TMEM94: variants seen among roughly 807,000 people sequenced by gnomAD.
TMEM94 encodes the protein ER Mg2+ ATPase.
A neutral mutation model predicts 158.6 loss-of-function variants in TMEM94; 81 were observed. The observed-to-expected ratio is 0.51, with a 90% CI of 0.43 to 0.61. The LOEUF is 0.61. Among genes scored for constraint, TMEM94 ranks in the 20% least tolerant of loss-of-function variants. The pLI is 0.00. For synonymous variants in TMEM94, 751 were observed against 730.7 expected (o/e 1.03, Z -0.45); for missense variants, 1,435 against 1,762.0 (o/e 0.81, Z 3.32).
chr17:75,487,780 A>T lies in TMEM94; in HGVS notation c.410-152A>T. On this transcript the variant is annotated intron_variant, in intron 5 of 31. Coordinates refer to ENST00000314256, the MANE Select transcript of TMEM94 (RefSeq NM_014738.6). This position sits in a 1 kb window ranked among gnomAD's most constrained non-coding sequence, Gnocchi z 4.6. Reference sequence around the variant, plus strand: ...GGCTTTATAAGGGAGGCATCCTTGAAAGCAGGGAAGTGTTGGAACGAGTGG... The same window carrying T: ...GGCTTTATAAGGGAGGCATCCTTGATAGCAGGGAAGTGTTGGAACGAGTGG... 1.6e-6 allele frequency: 1 copy of T among 641,538 alleles called. No homozygotes were observed. Among genetic ancestry groups the T allele is most frequent in the Non-Finnish European group, 2.7e-6 (1 of 367,144 alleles). 39.7% of individuals were successfully genotyped at this position (641,538 alleles called of 1,614,324 possible).
At chr17:75,477,158 T>C (rs938218753) in intron 2 of TMEM94, among the ~76,000 whole-genome samples, 2 of 151,962 alleles carry the variant, frequency 1.3e-5, no homozygotes, top group Non-Finnish European at 2.9e-5. Flanking sequence ...GTGGGGAGGA[T>C]TTTTTCCTAG....
At chr17:75,478,498 G>A (rs1047545540) in intron 2 of TMEM94, among the ~76,000 whole-genome samples, 1 of 152,104 alleles carries the variant, frequency 6.6e-6, no homozygotes, top group Non-Finnish European at 1.5e-5. Context: ...GCCTATCCGG[G>A]TGCTCAGCTT....
intron 1 of TMEM94, among the ~76,000 whole-genome samples, chr17:75,467,323 A>G (rs1004807024): frequency 1.3e-5 from 2 of 151,584 alleles, no homozygotes; most frequent in African/African-American, 2.4e-5. Flanking sequence ...TTATTTTCTG[A>G]TATTTGATTA....
chr17:75,496,989 C>T (rs2052758535), intron 25 of TMEM94, 124 bp from the exon 26 acceptor site: 1 of 1,037,914 alleles, frequency 9.6e-7, no homozygotes, highest in African/African-American at 1.6e-5. Context: ...TTCCCTCCGG[C>T]CCCTGTTCCC....
chr17:75,490,647 G>A (rs1163699624), intron 10 of TMEM94, 55 bp from the exon 11 acceptor site: 1 of 1,508,874 alleles, frequency 6.6e-7, no homozygotes, highest in East Asian at 2.3e-5. Flanking sequence ...GCTTGGAGAG[G>A]CCTGTGTGAA....
chr17:75,461,093 C>CTTTTTTTTT (rs59878082), intron 1 of TMEM94, among the ~76,000 whole-genome samples: 2 of 69,636 alleles, frequency 2.9e-5, no homozygotes, highest in African/African-American at 5.5e-5. Flanking sequence ...TTGCGATTGG[C>CTTTTTTTTT]TTTTTTTTTT....
rs758760626 is a variant in TMEM94 at position 75,491,453 on chromosome 17, G to C, written c.1384G>C (p.Glu462Gln). The change falls in exon 13 of 32, where the codon GAG (glutamate) becomes CAG (glutamine). Residue 462 changes from glutamate (E) to glutamine (Q), a missense_variant and splice_region_variant. Glu to Gln is a conservative substitution (Grantham distance 29). Around this residue, in one of 3 missense-constraint regions of TMEM94, gnomAD observed 1,051 missense variants for 1,254.4 expected, o/e 0.84. Transcript: ENST00000314256. This position sits in a 1 kb window ranked among gnomAD's most constrained non-coding sequence, Gnocchi z 5.1. ...ATCCACCCGCTCCTTCTGCCATCCC[G>C]AGGTAGAGGAGGAGGTACGGCCGGC... ...GLSTRSFCHP[E>Q]PHERDALLAG... The C allele has an allele frequency of 6.2e-6, 10 of 1,614,076 alleles. No homozygotes were observed. The highest frequency in any genetic ancestry group is 8.5e-6 in the Non-Finnish European group (10 of 1,180,032).
At position 75,498,724 on chromosome 17, in the gene TMEM94, T is replaced by A. The variant is rs575590854; in HGVS notation, c.3827+2T>A. 2 of 1,553,648 alleles carry A rather than the reference T, an allele frequency of 1.3e-6. No individual in the cohort carries two copies. Among genetic ancestry groups the A allele is most frequent in the Non-Finnish European group, 1.7e-6 (2 of 1,148,230 alleles). On this transcript the variant is annotated splice_donor_variant, in intron 30 of 31. Transcript: ENST00000314256. LOFTEE classifies it high-confidence loss of function. This position sits in a 1 kb window ranked among gnomAD's most constrained non-coding sequence, Gnocchi z 6.7. ...GTGGGCCGTGACAGTGCCTGTGGTG[T>A]GAGTATTGCTAGGATGGAGGGCGGA...
At chr17:75,462,963 A>G in intron 1 of TMEM94, among the ~76,000 whole-genome samples, 1 of 136,020 alleles carries the variant, frequency 7.4e-6, no homozygotes, top group African/African-American at 2.9e-5. Context: ...ACTGCACTCC[A>G]GCCTGGGCAA....
intron 1 of TMEM94, among the ~76,000 whole-genome samples, chr17:75,458,676 C>T (rs2049967178): frequency 7.1e-6 from 1 of 139,962 alleles, no homozygotes; most frequent in Middle Eastern, 3.7e-3. Context: ...GCCTGGGCAA[C>T]AGAGCAAGAC....
chr17:75,457,940 G>A (rs868414546), intron 1 of TMEM94, among the ~76,000 whole-genome samples: 11 of 152,052 alleles, frequency 7.2e-5, no homozygotes, highest in African/African-American at 2.2e-4. Context: ...AAAGCGATGG[G>A]CATTAAAAGT....
chr17:75,496,357 C>G lies in TMEM94; in HGVS notation c.3129C>G (p.Ala1043=). The change falls in exon 24 of 32, where the codon GCC becomes GCG. Residue 1043 remains alanine (A), a synonymous_variant. Transcript: ENST00000314256. ...TFGYATSISM[A]QASDGLSPLQ... is the part of the protein sequence containing the mutation. ...GCTACGCCACCAGCATCAGCATGGC[C>G]CAGGCCTCGGATGGCCTTTCTCCCC... 6.2e-7 allele frequency: 1 copy of G among 1,614,106 alleles called. No individual in the cohort carries two copies. The highest frequency in any genetic ancestry group is 2.2e-5 in the East Asian group (1 of 44,884).
Position 75,491,975 on chromosome 17 carries a change from C to A in TMEM94, c.1596+75C>A. 1 of 1,420,778 alleles carries A rather than the reference C, an allele frequency of 7.0e-7. No homozygotes were observed. 88.0% of individuals were successfully genotyped at this position (1,420,778 alleles called of 1,614,324 possible). On this transcript the variant is annotated intron_variant, in intron 14 of 31. Coordinates refer to ENST00000314256, the MANE Select transcript of TMEM94 (RefSeq NM_014738.6). This position sits in a 1 kb window ranked among gnomAD's most constrained non-coding sequence, Gnocchi z 5.1. ...TCCTGGCCTCCCTGGCCAGCCTGGC[C>A]TCACAAGGTCTGAAAGAGCAGGCGT...
In TMEM94 at chr17:75,499,611, C is replaced by G. The variant is rs13357; in HGVS notation, c.*277C>G. On this transcript the variant is annotated 3_prime_UTR_variant, in exon 32 of 32. Coordinates refer to ENST00000314256, the MANE Select transcript of TMEM94 (RefSeq NM_014738.6). ...TGGCCTCAGGCGCTCCCTAGAGGGG[C>G]CCTAAACCCCCTCACCTGTGAGCTA... 310,824 of 479,154 alleles carry G rather than the reference C, an allele frequency of 0.65. 108,482 individuals carry two copies. The highest frequency in any genetic ancestry group is 0.75 in the South Asian group (28,018 of 37,272). 29.7% of individuals were successfully genotyped at this position (479,154 alleles called of 1,614,324 possible). A position where few individuals can be genotyped will look rare whatever the true frequency, so the allele number is the denominator to read the frequency against.
At position 75,496,716 on chromosome 17, in the gene TMEM94, C is replaced by T. The variant is rs2052727605; in HGVS notation, c.3244-14C>T. 1.9e-6 allele frequency: 3 copies of T among 1,613,492 alleles called. No homozygotes were observed. The highest frequency in any genetic ancestry group is 2.5e-6 in the Non-Finnish European group (3 of 1,179,674). Reference sequence around the variant, plus strand: ...GGTAGACCCAGGCCATAATCTGTCCCTCTTGGTCCCTAGGCTCGGCATGCC... The same window carrying T: ...GGTAGACCCAGGCCATAATCTGTCCTTCTTGGTCCCTAGGCTCGGCATGCC... On this transcript the variant is annotated splice_polypyrimidine_tract_variant and intron_variant, in intron 24 of 31. Coordinates refer to ENST00000314256, the MANE Select transcript of TMEM94 (RefSeq NM_014738.6).
At chr17:75,483,623 C>G (rs917986511) in intron 2 of TMEM94, among the ~76,000 whole-genome samples, 5 of 152,018 alleles carry the variant, frequency 3.3e-5, no homozygotes, top group Non-Finnish European at 7.4e-5. Context: ...CCATGCCCAG[C>G]TAATTTTTGT....
intron 1 of TMEM94, among the ~76,000 whole-genome samples, chr17:75,465,679 A>ATATATTTTTTTTTTTT (rs1247855961): frequency 2.4e-5 from 3 of 124,848 alleles, no homozygotes; most frequent in African/African-American, 1.1e-4. Context: ...ATATATATAT[A>ATATATTTTTTTTTTTT]TTTTTTTTTA....
intron 2 of TMEM94, among the ~76,000 whole-genome samples, chr17:75,478,941 G>A (rs957054623): frequency 4.6e-5 from 7 of 152,228 alleles, no homozygotes; most frequent in African/African-American, 7.2e-5. Context: ...AAGAAAAGGC[G>A]ACCTCAGCTT....
chr17:75,481,285 C>T (rs1057504532), intron 2 of TMEM94, among the ~76,000 whole-genome samples: 1 of 152,228 alleles, frequency 6.6e-6, no homozygotes, highest in African/African-American at 2.4e-5. Flanking sequence ...GTGTGAGGTC[C>T]CCGCCGGGAG....
Sources: allele counts gnomAD v4.1 joint callset (sites outside exome capture counted in the v4.1 genomes callset), GRCh38; gene constraint gnomAD v4.1.1; regional missense constraint gnomAD v4.1.1; non-coding constraint Gnocchi (gnomAD v3.1); transcripts MANE v1.5; gene names NCBI Gene and HGNC (gene_info 2026-07-23, HGNC 2026-07-21).